Variants in ZNF70 observed in about 807,000 individuals in gnomAD.
ZNF70 encodes the protein zinc finger protein 70, also known as zinc finger protein N27C7-1.
Under a neutral mutation model 37.7 loss-of-function variants are expected in ZNF70, and 18 were observed. The ratio of observed to expected loss-of-function variants is 0.48; its 90% CI spans 0.33 to 0.71. The LOEUF is 0.71. Among genes scored for constraint, ZNF70 ranks in the 30% least tolerant of loss-of-function variants. ZNF70 has a pLI of 0.02. For synonymous variants in ZNF70, 219 were observed against 220.1 expected (o/e 0.99, Z 0.05); for missense variants, 506 against 568.6 (o/e 0.89, Z 1.12).
At position 23,744,220 on chromosome 22, in the gene ZNF70, T is replaced by C. The variant is rs928506553; in HGVS notation, c.921A>G (p.Pro307=). 4.4e-6 allele frequency: 7 copies of C among 1,601,920 alleles called. No homozygotes were observed. The highest frequency in any genetic ancestry group is 2.3e-5 in the East Asian group (1 of 43,870). Residue 307 remains proline (P), a synonymous_variant, in exon 2 of 2, where the codon CCA becomes CCG. Coordinates refer to ENST00000341976, the MANE Select transcript of ZNF70 (RefSeq NM_021916.4). ...RHQRIHTGKK[P]YKCDECGKAF... is the part of the protein sequence containing the mutation. ...CCTTCCCGCACTCATCGCATTTGTA[T>C]GGTTTCTTCCCAGTGTGGATCCGCT...
In ZNF70 at chr22:23,745,032, G is replaced by C. The variant is rs145985311; in HGVS notation, c.109C>G (p.Gln37Glu). Residue 37 changes from glutamine (Q) to glutamate (E), a missense_variant, in exon 2 of 2, where the codon CAG becomes GAG. By Grantham distance (29) the Gln-to-Glu change is conservative (BLOSUM62 2). Transcript: ENST00000341976. ...PGEDLGDPFL[Q>E]ERGLEQMAVI... is the part of the protein sequence containing the mutation. ...GCCATTTGCTCCAAACCTCTTTCCT[G>C]AAGAAAAGGGTCCCCCAGGTCCTCC... 1 of 1,614,154 alleles carries C rather than the reference G, an allele frequency of 6.2e-7. No individual in the cohort carries two copies. Among genetic ancestry groups the C allele is most frequent in the Admixed American group, 1.7e-5 (1 of 60,016 alleles).
At chr22:23,745,328 C>A (rs1182161485) in intron 1 of ZNF70, 109 bp from the exon 2 acceptor site, 2 of 648,536 alleles carry the variant, frequency 3.1e-6, no homozygotes, top group African/African-American at 1.8e-5. Context: ...GCATAAGACA[C>A]AATCTTGCCC....
intron 1 of ZNF70, 71 bp from the exon 2 acceptor site, chr22:23,745,290 A>G: frequency 2.6e-6 from 2 of 776,584 alleles, no homozygotes; most frequent in Non-Finnish European, 4.2e-6. Flanking sequence ...TTCATATCCT[A>G]GAATCTATGG....
Position 23,744,614 on chromosome 22 carries a change from G to C in ZNF70, c.527C>G (p.Ala176Gly). 6.2e-7 allele frequency: 1 copy of C among 1,613,922 alleles called. No individual in the cohort carries two copies. Among genetic ancestry groups the C allele is most frequent in the Non-Finnish European group, 8.5e-7 (1 of 1,179,938 alleles). ...KPYECCECGK[A>G]FSQSSHLLRH... is the part of the protein sequence containing the mutation. ...GAGCAGGTGGGAGCTCTGGCTGAAG[G>C]CCTTCCCGCACTCACAGCACTCATA... is the stretch of plus-strand genomic sequence containing the variant. The change falls in exon 2 of 2, where the codon GCC (alanine) becomes GGC (glycine). Residue 176 changes from alanine to glycine, a missense_variant. Transcript: ENST00000341976.
intron 1 of ZNF70, among the ~76,000 whole-genome samples, chr22:23,749,768 A>C: frequency 6.7e-6 from 1 of 149,380 alleles, no homozygotes; most frequent in East Asian, 2.0e-4. Flanking sequence ...GATCACTTCA[A>C]CTCCTCTCAC....
chr22:23,750,366 C>A (rs144901135), intron 1 of ZNF70, among the ~76,000 whole-genome samples: 5 of 152,116 alleles, frequency 3.3e-5, no homozygotes, highest in African/African-American at 1.2e-4. Context: ...TCTTGAAAAA[C>A]GAAGATGTGA....
Position 23,744,900 on chromosome 22 carries a change from G to C in ZNF70, c.241C>G (p.Pro81Ala). Residue 81 changes from proline (P) to alanine (A), a missense_variant, in exon 2 of 2, where the codon CCA becomes GCA. Transcript: ENST00000341976. ...TCATCATCCTGGGGTCTGGTTCCTG[G>C]GGGGATACTTTGATGCTGAACAGGG... Reference protein sequence around the residue: ...SSPVQHQSIPPGTRPQDDELF... With the variant: ...SSPVQHQSIPAGTRPQDDELF... 1.9e-6 allele frequency: 3 copies of C among 1,614,180 alleles called. No homozygotes were observed. The highest frequency in any genetic ancestry group is 2.7e-5 in the African/African-American group (2 of 75,020).
In ZNF70 at chr22:23,743,573, C is replaced by T. The variant is rs533573995; in HGVS notation, c.*227G>A. 78 of 502,928 alleles carry T rather than the reference C, an allele frequency of 1.6e-4. No homozygotes were observed. Among genetic ancestry groups the T allele is most frequent in the African/African-American group, 1.4e-3 (74 of 52,086 alleles). The allele number at this position is 502,928 out of a possible 1,614,324, so 31.2% of individuals were successfully genotyped here. A position where few individuals can be genotyped will look rare whatever the true frequency, so the allele number is the denominator to read the frequency against. On this transcript the variant is annotated 3_prime_UTR_variant, in exon 2 of 2. Coordinates refer to ENST00000341976, the MANE Select transcript of ZNF70 (RefSeq NM_021916.4). The stretch of plus-strand genomic sequence containing the variant: ...GAAGGCCAGCTGTCTTTTCTGGCTG[C>T]CCTCCCTATCACCCCACCTTCCCTT...
intron 1 of ZNF70, among the ~76,000 whole-genome samples, chr22:23,747,662 T>G (rs1925176125): frequency 6.6e-6 from 1 of 151,908 alleles, no homozygotes; most frequent in African/African-American, 2.4e-5. Context: ...AAACCCCATC[T>G]CTACTAGAAA....
In ZNF70 at chr22:23,751,102, G is replaced by C. The variant is rs10470288; in HGVS notation, c.-471C>G. On this transcript the variant is annotated 5_prime_UTR_variant, in exon 1 of 2. Coordinates refer to ENST00000341976, the MANE Select transcript of ZNF70 (RefSeq NM_021916.4). ...GCCGACGCTGCCTGGCTCCACAGCAGCTGCTGACGCGGAGCCCGCGGCCGC... is the reference window on the plus strand; with the variant it reads ...GCCGACGCTGCCTGGCTCCACAGCACCTGCTGACGCGGAGCCCGCGGCCGC... 1 of 151,954 alleles carries C rather than the reference G, an allele frequency of 6.6e-6. No homozygotes were observed. Among genetic ancestry groups the C allele is most frequent in the African/African-American group, 2.4e-5 (1 of 41,400 alleles). 9.4% of individuals were successfully genotyped at this position (151,954 alleles called of 1,614,324 possible).
chr22:23,745,213 T>G lies in ZNF70; in HGVS notation c.-73A>C. The G allele has an allele frequency of 6.7e-7, 1 of 1,496,810 alleles. No homozygotes were observed. Among genetic ancestry groups the G allele is most frequent in the Non-Finnish European group, 9.0e-7 (1 of 1,111,020 alleles). 92.7% of individuals were successfully genotyped at this position (1,496,810 alleles called of 1,614,324 possible). On this transcript the variant is annotated 5_prime_UTR_variant, in exon 2 of 2. Coordinates refer to ENST00000341976, the MANE Select transcript of ZNF70 (RefSeq NM_021916.4). Reference sequence around the variant, plus strand: ...CTTCTTTGGGCCACACTTACTGTTCTCACAATCTGAAAAGAAAACAGGGAA... The same window carrying G: ...CTTCTTTGGGCCACACTTACTGTTCGCACAATCTGAAAAGAAAACAGGGAA...
rs571638305 is a variant in ZNF70, at chr22:23,744,836, C to G, written c.305G>C (p.Ser102Thr). Reference sequence around the variant, plus strand: ...TTCACTGTGGATTATCTGACACATGCTGAGGTCGGATTTCTGGAGGAAGGT... The same window carrying G: ...TTCACTGTGGATTATCTGACACATGGTGAGGTCGGATTTCTGGAGGAAGGT... ...GQTFLQKSDL[S>T]MCQIIHSEEP... Residue 102 changes from serine to threonine, a missense_variant, in exon 2 of 2, where the codon AGC becomes ACC. Transcript: ENST00000341976. The G allele has an allele frequency of 5.6e-6, 9 of 1,614,232 alleles. No individual in the cohort carries two copies. In the East Asian group the frequency reaches 8.9e-5, roughly 16 times the overall value.
rs558733025 is a variant in ZNF70 at position 23,749,193 on chromosome 22, TC to T, written c.-80+1517del. Among the ~76,000 whole-genome samples the T allele has an allele frequency of 9.9e-5, 15 of 151,422 alleles. No individual in the cohort carries two copies. In the South Asian group the frequency reaches 3.1e-3, roughly 32 times the overall value. On this transcript the variant is annotated intron_variant, in intron 1 of 1. Transcript: ENST00000341976. The stretch of plus-strand genomic sequence containing the variant: ...CTGGCCAAGATGGTGAAACCCCGTC[TC>T]TACTAAAATTACAAAAATTACAGCG...
intron 1 of ZNF70, 93 bp from the exon 2 acceptor site, chr22:23,745,312 A>G: frequency 1.5e-6 from 1 of 688,552 alleles, no homozygotes. Context: ...AGAAACAAGA[A>G]AATACGCATA....
intron 1 of ZNF70, among the ~76,000 whole-genome samples, chr22:23,750,399 A>G (rs986160809): frequency 6.6e-6 from 1 of 151,952 alleles, no homozygotes; most frequent in Non-Finnish European, 1.5e-5. Context: ...ACCCGCCCAC[A>G]TTGCCTACCT....
At chr22:23,750,432 AC>A (rs1569136798) in intron 1 of ZNF70, among the ~76,000 whole-genome samples, 1 of 151,814 alleles carries the variant, frequency 6.6e-6, no homozygotes, top group African/African-American at 2.4e-5. Flanking sequence ...GCTTTGAGCT[AC>A]CCCCCAACCC....
Position 23,744,075 on chromosome 22 carries a change from G to C in ZNF70, c.1066C>G (p.Arg356Gly), listed in dbSNP as rs770461823. 3.1e-6 allele frequency: 5 copies of C among 1,611,058 alleles called. No individual in the cohort carries two copies. The highest frequency in any genetic ancestry group is 4.2e-6 in the Non-Finnish European group (5 of 1,178,944). The change falls in exon 2 of 2, where the codon CGC (arginine) becomes GGC (glycine). Residue 356 changes from arginine to glycine, a missense_variant. Physicochemically the swap from Arg to Gly is moderately radical, Grantham distance 125. Coordinates refer to ENST00000341976, the MANE Select transcript of ZNF70 (RefSeq NM_021916.4). ...SQSSSLIEHQ[R>G]IHTGEKPYEC... is the part of the protein sequence containing the mutation. ...TAGGGCTTCTCACCGGTGTGGATGC[G>C]CTGGTGCTCAATGAGGGAGGAGCTC...
chr22:23,740,378 G>T lies in ZNF70; in HGVS notation c.*3422C>A, dbSNP rs1601314999. On this transcript the variant is annotated 3_prime_UTR_variant, in exon 2 of 2. Transcript: ENST00000341976. ...AAAACAAAGAACAACTAAATTAAAA[G>T]ATAATTGATTAAAATATTGCCAGGG... 1 of 152,008 alleles carries T rather than the reference G, an allele frequency of 6.6e-6. No homozygotes were observed. Among genetic ancestry groups the T allele is most frequent in the Admixed American group, 6.6e-5 (1 of 15,242 alleles). The allele number at this position is 152,008 out of a possible 1,614,324, so 9.4% of individuals were successfully genotyped here.
chr22:23,748,341 C>T lies in ZNF70; in HGVS notation c.-80+2370G>A, dbSNP rs570997897. Among the ~76,000 whole-genome samples the T allele has an allele frequency of 2.4e-4, 37 of 152,220 alleles. No individual in the cohort carries two copies. In the South Asian group the frequency reaches 7.5e-3, roughly 31 times the overall value. ...TGCAGCCTTGACCTCCCCGGCTCAA[C>T]TGATCCTCCAACCTCAGCCTCTCAA... On this transcript the variant is annotated intron_variant, in intron 1 of 1. Transcript: ENST00000341976.
Sources: allele counts gnomAD v4.1 joint callset (sites outside exome capture counted in the v4.1 genomes callset), GRCh38; gene constraint gnomAD v4.1.1; transcripts MANE v1.5; gene names NCBI Gene and HGNC (gene_info 2026-07-23, HGNC 2026-07-21).